The following BCKDHB variants were observed in gnomAD, a reference collection of about 807,000 sequenced individuals.
BCKDHB encodes 2-oxoisovalerate dehydrogenase subunit beta, mitochondrial.
In BCKDHB, 41 loss-of-function variants were observed where a neutral mutation model predicts 48.5. The observed-to-expected ratio is 0.85, with a 90% CI of 0.66 to 1.10. The LOEUF is 1.10. Ranked by LOEUF, BCKDHB falls within the 50% of genes least tolerant of loss-of-function variation. The pLI, the probability that BCKDHB is intolerant of heterozygous loss-of-function variation, is 0.00. For missense variants in BCKDHB, 496 were observed against 494.2 expected, an observed-to-expected ratio of 1.00 and a Z score of -0.03; for synonymous variants, 201 against 174.8, an observed-to-expected ratio of 1.15 and a Z score of -1.18.
intron 3 of BCKDHB, among the ~76,000 whole-genome samples, chr6:80,165,686 A>G (rs1772535077): frequency 1.3e-5 from 2 of 152,232 alleles, no homozygotes; most frequent in Non-Finnish European, 2.9e-5. Context: ...GAATTGAATT[A>G]TACGCTAATA....
chr6:80,171,304 T>C lies in BCKDHB; in HGVS notation c.656T>C (p.Phe219Ser). 7 of 1,608,724 alleles carry C rather than the reference T, an allele frequency of 4.4e-6. No individual in the cohort carries two copies. Among genetic ancestry groups the C allele is most frequent in the Non-Finnish European group, 5.9e-6 (7 of 1,177,466 alleles). Reference sequence around the variant, plus strand: ...CAGGTGGTTATACCCAGAAGCCCTTTCCAGGCCAAAGGACTTCTTTTGTCA... The same window carrying C: ...CAGGTGGTTATACCCAGAAGCCCTTCCCAGGCCAAAGGACTTCTTTTGTCA... The part of the protein sequence containing the change: ...GIKVVIPRSP[F>S]QAKGLLLSCI... Residue 219 changes from phenylalanine to serine, a missense_variant, in exon 6 of 10, where the codon TTC (phenylalanine) becomes TCC (serine). Phe to Ser is a radical substitution (Grantham distance 155, BLOSUM62 -2). Transcript: ENST00000320393.
At chr6:80,384,319 G>A in the BCKDHB span, among the ~76,000 whole-genome samples, 10 of 151,070 alleles carry the variant, frequency 6.6e-5, no homozygotes, top group South Asian at 8.5e-4. Flanking sequence ...CTTGAACATC[G>A]GACTCCCGAT....
intron 9 of BCKDHB, among the ~76,000 whole-genome samples, chr6:80,286,852 C>T (rs958985600): frequency 4.6e-5 from 7 of 151,970 alleles, no homozygotes; most frequent in Admixed American, 4.6e-4. Context: ...TTATATTTAT[C>T]TTTTTATGAC....
chr6:80,268,800 A>G (rs1777616865), intron 8 of BCKDHB, among the ~76,000 whole-genome samples: 1 of 152,122 alleles, frequency 6.6e-6, no homozygotes. Flanking sequence ...ACATATGTCT[A>G]ATGTTTGGGC....
intron 1 of BCKDHB, among the ~76,000 whole-genome samples, chr6:80,119,726 G>A (rs1296471522): frequency 1.3e-5 from 2 of 152,038 alleles, no homozygotes; most frequent in African/African-American, 4.8e-5. Context: ...ATCCATCAGA[G>A]TAATCATTTA....
intron 3 of BCKDHB, among the ~76,000 whole-genome samples, chr6:80,161,045 G>T (rs1361256174): frequency 6.6e-6 from 1 of 152,172 alleles, no homozygotes; most frequent in Non-Finnish European, 1.5e-5. Context: ...CTGTTTCAGA[G>T]TGGGCATAGT....
At chr6:80,240,063 T>C (rs1283868304) in intron 8 of BCKDHB, among the ~76,000 whole-genome samples, 1 of 152,204 alleles carries the variant, frequency 6.6e-6, no homozygotes, top group Non-Finnish European at 1.5e-5. Flanking sequence ...TTCTTTTTGC[T>C]TAGAATTGTC....
chr6:80,444,219 G>A, the BCKDHB span, among the ~76,000 whole-genome samples: 1 of 151,916 alleles, frequency 6.6e-6, no homozygotes, highest in African/African-American at 2.4e-5. Flanking sequence ...TTTAAAAACG[G>A]ACTTTGACTT....
the BCKDHB span, among the ~76,000 whole-genome samples, chr6:80,434,775 C>T: frequency 6.6e-6 from 1 of 152,174 alleles, no homozygotes; most frequent in Non-Finnish European, 1.5e-5. Flanking sequence ...AATCTCTCTA[C>T]TCTGGCTGGT....
intron 3 of BCKDHB, among the ~76,000 whole-genome samples, chr6:80,166,673 C>G (rs1055281231): frequency 1.3e-5 from 2 of 151,170 alleles, no homozygotes; most frequent in African/African-American, 4.9e-5. Flanking sequence ...AAAAAAAATT[C>G]TAACATAAGA....
intron 9 of BCKDHB, among the ~76,000 whole-genome samples, chr6:80,313,183 C>A (rs1016316639): frequency 1.3e-5 from 2 of 152,122 alleles, no homozygotes; most frequent in African/African-American, 4.8e-5. Context: ...GAAATTTATC[C>A]ATTTCTTCTG....
At chr6:80,292,918 ATCT>A (rs1767008714) in intron 9 of BCKDHB, among the ~76,000 whole-genome samples, 1 of 152,182 alleles carries the variant, frequency 6.6e-6, no homozygotes, top group African/African-American at 2.4e-5. Context: ...CTCCAAAATG[ATCT>A]TCTTTGACTC....
chr6:80,273,979 G>T (rs1777862711), intron 9 of BCKDHB, among the ~76,000 whole-genome samples: 1 of 151,984 alleles, frequency 6.6e-6, no homozygotes, highest in African/African-American at 2.4e-5. Flanking sequence ...TTTAAATTCA[G>T]AATATCTTCG....
chr6:80,117,194 A>G (rs77909592), intron 1 of BCKDHB, among the ~76,000 whole-genome samples: 5,271 of 152,304 alleles, frequency 0.035, 308 homozygotes, highest in African/African-American at 0.12. Flanking sequence ...TTGAAAAACT[A>G]TTCAGGAGTG....
At chr6:80,419,721 C>T in the BCKDHB span, among the ~76,000 whole-genome samples, 1 of 152,186 alleles carries the variant, frequency 6.6e-6, no homozygotes, top group Admixed American at 6.5e-5. Context: ...TAGGATTGCT[C>T]CTTACCAGTT....
At chr6:80,288,871 T>C (rs528159713) in intron 9 of BCKDHB, among the ~76,000 whole-genome samples, 31 of 152,290 alleles carry the variant, frequency 2.0e-4, no homozygotes, top group Middle Eastern at 3.4e-3. Context: ...TCTTTGTTCA[T>C]GTGTGGAATG....
chr6:80,335,038 A>G (rs565609860), intron 9 of BCKDHB, among the ~76,000 whole-genome samples: 19 of 152,020 alleles, frequency 1.2e-4, no homozygotes, highest in Admixed American at 9.2e-4. Flanking sequence ...AAACTTAAAA[A>G]CAGGTTGCAA....
chr6:80,273,887 A>G (rs1777858389), intron 9 of BCKDHB, among the ~76,000 whole-genome samples: 1 of 152,014 alleles, frequency 6.6e-6, no homozygotes, highest in Non-Finnish European at 1.5e-5. Flanking sequence ...GACATATATA[A>G]GATAATTTAA....
intron 3 of BCKDHB, among the ~76,000 whole-genome samples, chr6:80,154,642 ATTATTT>A (rs1279022841): frequency 2.2e-4 from 34 of 152,146 alleles, no homozygotes; most frequent in Admixed American, 2.2e-3. Context: ...AGGTATCAAA[ATTATTT>A]TTATTTTATA....
Sources: allele counts gnomAD v4.1 joint callset (sites outside exome capture counted in the v4.1 genomes callset), GRCh38; gene constraint gnomAD v4.1.1; transcripts MANE v1.5; gene names NCBI Gene and HGNC (gene_info 2026-07-23, HGNC 2026-07-21).